ARHGAP15: variants seen among roughly 807,000 people sequenced by gnomAD.
ARHGAP15 encodes the protein Rho GTPase activating protein 15, also known as rho GTPase-activating protein 15.
In ARHGAP15, 51 loss-of-function variants were observed where a neutral mutation model predicts 63.7. The observed-to-expected ratio is 0.80, with a 90% CI of 0.64 to 1.01. The LOEUF is 1.01. ARHGAP15 is among the 50% of genes least tolerant of loss of function. The pLI, the probability that ARHGAP15 is intolerant of heterozygous loss-of-function variation, is 0.00. For synonymous variants in ARHGAP15, 191 were observed against 193.8 expected, an observed-to-expected ratio of 0.99 and a Z score of 0.12; for missense variants, 560 against 564.6, an observed-to-expected ratio of 0.99 and a Z score of 0.08.
At chr2:143,523,293 G>A (rs371989639) in intron 10 of ARHGAP15, among the ~76,000 whole-genome samples, 3 of 152,076 alleles carry the variant, frequency 2.0e-5, no homozygotes, top group African/African-American at 7.2e-5. Context: ...GAAAAGAACA[G>A]ACCCTACAAG....
intron 12 of ARHGAP15, among the ~76,000 whole-genome samples, chr2:143,697,306 A>T (rs1404546484): frequency 1.3e-5 from 2 of 152,206 alleles, no homozygotes; most frequent in Non-Finnish European, 2.9e-5. Context: ...ATCAGGGATG[A>T]TAGAGAAGAC....
chr2:143,583,609 C>T (rs1696996246), intron 11 of ARHGAP15, among the ~76,000 whole-genome samples: 1 of 152,060 alleles, frequency 6.6e-6, no homozygotes, highest in Non-Finnish European at 1.5e-5. Flanking sequence ...CTTCTGAATT[C>T]TTAGAGAAAC....
chr2:143,430,575 C>T (rs76791634), intron 6 of ARHGAP15, among the ~76,000 whole-genome samples: 1,529 of 152,044 alleles, frequency 0.01, 20 homozygotes, highest in South Asian at 0.011. Context: ...ATTATTACTT[C>T]GATTTTAGGT....
chr2:143,581,895 G>A (rs565992201), intron 11 of ARHGAP15, among the ~76,000 whole-genome samples: 9 of 152,108 alleles, frequency 5.9e-5, no homozygotes, highest in Non-Finnish European at 1.2e-4. Flanking sequence ...TCATTGGTGG[G>A]GAGGGTAAAG....
At chr2:143,501,331 G>A (rs6430031) in intron 9 of ARHGAP15, among the ~76,000 whole-genome samples, 29,115 of 152,092 alleles carry the variant, frequency 0.19, 3,120 homozygotes, top group South Asian at 0.28. Context: ...GTTACAATGA[G>A]CATGTTACAA....
At chr2:143,610,137 T>C (rs1384591148) in intron 11 of ARHGAP15, among the ~76,000 whole-genome samples, 2 of 152,092 alleles carry the variant, frequency 1.3e-5, no homozygotes, top group African/African-American at 2.4e-5. Flanking sequence ...GAATGGCAGG[T>C]TGTGGCCTGG....
chr2:143,632,997 G>A (rs908322506), intron 12 of ARHGAP15, among the ~76,000 whole-genome samples: 1 of 152,028 alleles, frequency 6.6e-6, no homozygotes, highest in African/African-American at 2.4e-5. Context: ...GAAAGAGCAG[G>A]GTGTAAAGGT....
At chr2:143,434,777 C>G (rs566499646) in intron 6 of ARHGAP15, among the ~76,000 whole-genome samples, 16 of 152,272 alleles carry the variant, frequency 1.1e-4, no homozygotes, top group African/African-American at 3.4e-4. Flanking sequence ...CACACCCACT[C>G]TAATCAATTT....
intron 6 of ARHGAP15, among the ~76,000 whole-genome samples, chr2:143,326,198 T>C (rs75784167): frequency 0.012 from 1,804 of 152,314 alleles, 34 homozygotes; most frequent in African/African-American, 0.041. Context: ...TACATTTTTA[T>C]GGTACTTTAT....
intron 6 of ARHGAP15, among the ~76,000 whole-genome samples, chr2:143,327,130 T>TAA (rs1367242941): frequency 6.6e-6 from 1 of 152,070 alleles, no homozygotes; most frequent in African/African-American, 2.4e-5. Flanking sequence ...AATAGAGAGC[T>TAA]AAATCATGAG....
chr2:143,439,422 C>CAAAAAAAAAAAAAAAAAAAAAACAAAA (rs1689767803), intron 8 of ARHGAP15, among the ~76,000 whole-genome samples: 1 of 31,736 alleles, frequency 3.2e-5, no homozygotes, highest in Non-Finnish European at 5.9e-5. Context: ...GACTCTGTCT[C>CAAAAAAAAAAAAAAAAAAAAAACAAAA]AAAAAAAAAA....
At chr2:143,350,838 C>CAAAAAAAA (rs59616405) in intron 6 of ARHGAP15, 4 of 57,726 alleles carry the variant, frequency 6.9e-5, no homozygotes, top group Non-Finnish European at 1.2e-4. Context: ...GACTCAGTCT[C>CAAAAAAAA]AAAAAAAAAA....
In ARHGAP15 at chr2:143,740,120, C is replaced by G. The variant is rs1478264693; in HGVS notation, c.1245-27869C>G. Among the ~76,000 whole-genome samples the G allele has an allele frequency of 2.0e-5, 3 of 149,768 alleles. No individual in the cohort carries two copies. The South Asian group carries it at 6.3e-4, about 32-fold the overall frequency. Reference sequence around the variant, plus strand: ...CATCAAAATGTTTTGCTAAGCAAAACAGAAAAAAAAAATGATTTTCTCCAC... The same window carrying G: ...CATCAAAATGTTTTGCTAAGCAAAAGAGAAAAAAAAAATGATTTTCTCCAC... On this transcript the variant is annotated intron_variant, in intron 13 of 13. Coordinates refer to ENST00000295095, the MANE Select transcript of ARHGAP15 (RefSeq NM_018460.4).
intron 12 of ARHGAP15, among the ~76,000 whole-genome samples, chr2:143,635,194 CTTTTTTTTTTTTTT>C (rs10558886): frequency 2.2e-4 from 6 of 26,882 alleles, no homozygotes; most frequent in South Asian, 2.0e-3. Flanking sequence ...CTCTCAGGAG[CTTTTTTTTTTTTTT>C]TTTTTTTTTT....
rs548014416 is a variant in ARHGAP15, at chr2:143,680,936, A to G, written c.1139-22483A>G. ...ATAAGGGACAATCCTATTCTCTGAA[A>G]TCTTAGTGAAAGTCAGTAGAAAATT... On this transcript the variant is annotated intron_variant, in intron 12 of 13. Transcript: ENST00000295095. Among the ~76,000 whole-genome samples, 7 of 152,344 alleles carry G rather than the reference A, an allele frequency of 4.6e-5. 1 individual carries two copies. The East Asian group carries it at 1.3e-3, about 29-fold the overall frequency.
chr2:143,461,776 G>A (rs1329219646), intron 8 of ARHGAP15, among the ~76,000 whole-genome samples: 1 of 152,138 alleles, frequency 6.6e-6, no homozygotes, highest in African/African-American at 2.4e-5. Context: ...GCAGTTGTCT[G>A]TAAATAGAAT....
At chr2:143,259,858 C>A (rs964488024) in intron 6 of ARHGAP15, among the ~76,000 whole-genome samples, 2 of 151,988 alleles carry the variant, frequency 1.3e-5, no homozygotes, top group African/African-American at 4.8e-5. Flanking sequence ...TGAATTTTAT[C>A]GACATTCATT....
intron 12 of ARHGAP15, among the ~76,000 whole-genome samples, chr2:143,698,281 T>C (rs1029154231): frequency 6.6e-6 from 1 of 152,142 alleles, no homozygotes; most frequent in Non-Finnish European, 1.5e-5. Context: ...GTACAGAACT[T>C]TTTCCATCAT....
Position 143,320,412 on chromosome 2 carries a change from C to CCCCCCCCCG in ARHGAP15, c.474+69820_474+69821insGCCCCCCCC, listed in dbSNP as rs1553463639. Among the ~76,000 whole-genome samples, 208 of 50,982 alleles carry CCCCCCCCCG rather than the reference C, an allele frequency of 4.1e-3. 6 individuals carry two copies. Among genetic ancestry groups the CCCCCCCCCG allele is most frequent in the Non-Finnish European group, 7.5e-3 (170 of 22,710 alleles). The allele number at this position is 50,982 out of a possible 152,430, so 33.4% of individuals were successfully genotyped here. Reference sequence around the variant, plus strand: ...GCCACAAATCAGGACTTCCCCACCCCCCCCCCCCCCAGAGATCCTATGATA... The same window carrying CCCCCCCCCG: ...GCCACAAATCAGGACTTCCCCACCCCCCCCCCCCGCCCCCCCCCCAGAGATCCTATGATA... On this transcript the variant is annotated intron_variant, in intron 6 of 13. Transcript: ENST00000295095.
Sources: gnomAD v4.1 joint callset for allele counts (sites outside exome capture counted in the v4.1 genomes callset) on GRCh38, gnomAD v4.1.1 for gene constraint, MANE v1.5 for transcripts, NCBI Gene and HGNC (gene_info 2026-07-23, HGNC 2026-07-21) for gene names.